The following TBL1X variants were observed in gnomAD, a reference collection of about 807,000 sequenced individuals.
The protein encoded by TBL1X is F-box-like/WD repeat-containing protein TBL1X.
Under a neutral mutation model 50.7 loss-of-function variants are expected in TBL1X, and 10 were observed. The observed-to-expected ratio is 0.20, with a 90% CI of 0.12 to 0.33. The LOEUF (loss-of-function observed/expected upper bound fraction) is 0.33. TBL1X is among the 10% of genes least tolerant of loss of function. The pLI is 1.00. For synonymous variants in TBL1X, 190 were observed against 214.7 expected (o/e 0.88, Z 1.01); for missense variants, 340 against 504.4 (o/e 0.67, Z 3.12).
chrX:9,551,182 C>T lies in TBL1X; in HGVS notation c.-131+49333C>T, dbSNP rs1032882136. Among the ~76,000 whole-genome samples the T allele has an allele frequency of 2.7e-5, 3 of 111,420 alleles. No homozygotes were observed. The Admixed American group carries it at 2.9e-4, about 11-fold the overall frequency. The stretch of plus-strand genomic sequence containing the variant: ...ACCTGTCCCCTGGGATCTGGTTATA[C>T]GATGGGTGTCCAGCCTGTGCCCAGG... On this transcript the variant is annotated intron_variant, in intron 2 of 17. Coordinates refer to ENST00000645353, the MANE Select transcript of TBL1X (RefSeq NM_005647.4).
At chrX:9,651,854 C>CTAT (rs2082837347) in intron 3 of TBL1X, among the ~76,000 whole-genome samples, 1 of 112,488 alleles carries the variant, frequency 8.9e-6, no homozygotes, top group South Asian at 3.6e-4. Context: ...AAAATAAAGT[C>CTAT]TATTAAGAGT....
intron 12 of TBL1X, among the ~76,000 whole-genome samples, chrX:9,701,159 A>G (rs1042700344): frequency 1.8e-5 from 2 of 111,437 alleles, no homozygotes; most frequent in South Asian, 3.8e-4. Context: ...GCGTCGATAC[A>G]ACGCTACGGC....
intron 12 of TBL1X, among the ~76,000 whole-genome samples, chrX:9,700,356 G>C (rs752781089): frequency 8.9e-6 from 1 of 111,930 alleles, no homozygotes; most frequent in Admixed American, 9.5e-5. Context: ...TGTGTCTTAA[G>C]AATTCATCTG....
chrX:9,487,121 TTTC>T (rs1437536830), intron 1 of TBL1X, among the ~76,000 whole-genome samples: 2 of 111,727 alleles, frequency 1.8e-5, no homozygotes, highest in African/African-American at 3.3e-5. Flanking sequence ...AATATCCTAG[TTTC>T]TTCTTCTCTT....
chrX:9,685,732 T>C (rs1291954650), intron 6 of TBL1X, among the ~76,000 whole-genome samples: 8 of 97,111 alleles, frequency 8.2e-5, no homozygotes, highest in Non-Finnish European at 1.7e-4. Flanking sequence ...TTTTTTTTTT[T>C]TTTTTTTTAA....
chrX:9,527,734 A>C (rs2082139693), intron 2 of TBL1X, among the ~76,000 whole-genome samples: 1 of 110,950 alleles, frequency 9.0e-6, no homozygotes, highest in Admixed American at 9.5e-5. Context: ...ATTTATGGGC[A>C]CTGAGGTGCT....
At chrX:9,582,780 G>GATAT (rs2082449178) in intron 2 of TBL1X, among the ~76,000 whole-genome samples, 1 of 112,301 alleles carries the variant, frequency 8.9e-6, no homozygotes, top group African/African-American at 3.2e-5. Context: ...CAGTCCCTGA[G>GATAT]ATATACTCTT....
At position 9,484,732 on chromosome X, in the gene TBL1X, G is replaced by T. The variant is rs749290581; in HGVS notation, c.-200-17048G>T. 6.4e-5 allele frequency among the ~76,000 whole-genome samples: 7 copies of T among 109,042 alleles called. No homozygotes were observed. The South Asian group carries it at 2.8e-3, about 44-fold the overall frequency. 94.7% of individuals were successfully genotyped at this position (109,042 alleles called of 115,157 possible). A position where few individuals can be genotyped will look rare whatever the true frequency, so the allele number is the denominator to read the frequency against. On this transcript the variant is annotated intron_variant, in intron 1 of 17. Coordinates refer to ENST00000645353, the MANE Select transcript of TBL1X (RefSeq NM_005647.4). ...TAATGCTGCTGTAAATGTTTACATG[G>T]CTGTACAGTGGTTCTCAAACTTCAT... is the stretch of plus-strand genomic sequence containing the variant.
At chrX:9,624,587 A>G (rs2082682971) in intron 2 of TBL1X, among the ~76,000 whole-genome samples, 1 of 112,213 alleles carries the variant, frequency 8.9e-6, no homozygotes, top group African/African-American at 3.2e-5. Flanking sequence ...GCAGAATTAA[A>G]TTCTATTTTT....
At chrX:9,667,545 A>T (rs775817753) in intron 5 of TBL1X, among the ~76,000 whole-genome samples, 1 of 112,485 alleles carries the variant, frequency 8.9e-6, no homozygotes, top group African/African-American at 3.2e-5. Context: ...AATTAAGATT[A>T]TATAGATTTG....
chrX:9,706,145 T>G (rs1266524794), intron 13 of TBL1X, among the ~76,000 whole-genome samples: 1 of 112,103 alleles, frequency 8.9e-6, no homozygotes, highest in Non-Finnish European at 1.9e-5. Flanking sequence ...GGGATGACAG[T>G]TCCACCTGAG....
chrX:9,509,788 G>T (rs1168825277), intron 2 of TBL1X, among the ~76,000 whole-genome samples: 2 of 110,773 alleles, frequency 1.8e-5, no homozygotes, highest in Non-Finnish European at 3.8e-5. Flanking sequence ...GCCTGGTCTA[G>T]AATTGCTTTT....
Position 9,662,591 on chromosome X carries a change from T to C in TBL1X, c.211+8269T>C, listed in dbSNP as rs374849728. Among the ~76,000 whole-genome samples the C allele has an allele frequency of 1.3e-3, 146 of 111,680 alleles. 1 individual carries two copies. Among genetic ancestry groups the C allele is most frequent in the African/African-American group, 4.3e-3 (132 of 30,759 alleles). On this transcript the variant is annotated intron_variant, in intron 5 of 17. Coordinates refer to ENST00000645353, the MANE Select transcript of TBL1X (RefSeq NM_005647.4). Reference sequence around the variant, plus strand: ...CAGGGGACGTGGAGTTGCTATTTAATGGGTACAGTTTCCATTTTGCAAAAT... The same window carrying C: ...CAGGGGACGTGGAGTTGCTATTTAACGGGTACAGTTTCCATTTTGCAAAAT...
chrX:9,488,141 C>T (rs1296086799), intron 1 of TBL1X, among the ~76,000 whole-genome samples: 1 of 112,035 alleles, frequency 8.9e-6, no homozygotes, highest in Admixed American at 9.5e-5. Flanking sequence ...GACTGAAGGC[C>T]ATTGTACTTT....
intron 5 of TBL1X, 24 bp downstream of exon 5, chrX:9,654,346 G>T: frequency 8.4e-7 from 1 of 1,195,338 alleles, no homozygotes; most frequent in Non-Finnish European, 1.1e-6. Context: ...TTTTCTGTCG[G>T]TAGGAAATTC....
chrX:9,691,489 A>T (rs2083097411), intron 7 of TBL1X, 90 bp from the exon 8 acceptor site: 8 of 974,497 alleles, frequency 8.2e-6, no homozygotes, highest in South Asian at 5.2e-5. Flanking sequence ...TTTAGTACAT[A>T]AAAAAAATGT....
intron 3 of TBL1X, 72 bp from the exon 4 acceptor site, chrX:9,653,473 T>G: frequency 1.5e-6 from 1 of 652,091 alleles, no homozygotes; most frequent in Non-Finnish European, 2.3e-6. Context: ...GCCAGACGGA[T>G]GCAGCGGATT....
chrX:9,610,968 C>A (rs1340914711), intron 2 of TBL1X, among the ~76,000 whole-genome samples: 1 of 111,828 alleles, frequency 8.9e-6, no homozygotes, highest in African/African-American at 3.3e-5. Flanking sequence ...TCATTTCCTG[C>A]CAAATTCAAT....
intron 2 of TBL1X, among the ~76,000 whole-genome samples, chrX:9,597,400 A>G (rs749504296): frequency 1.1e-4 from 12 of 111,965 alleles, no homozygotes; most frequent in Admixed American, 5.7e-4. Flanking sequence ...TCAAGTCTAC[A>G]CTGCCTCTGC....
Sources: allele counts gnomAD v4.1 joint callset (sites outside exome capture counted in the v4.1 genomes callset), GRCh38; gene constraint gnomAD v4.1.1; transcripts MANE v1.5; gene names NCBI Gene and HGNC (gene_info 2026-07-23, HGNC 2026-07-21).